MCF2L2: variants seen among roughly 807,000 people sequenced by gnomAD.
MCF2L2 encodes the protein MCF.2 cell line derived transforming sequence-like 2, also known as probable guanine nucleotide exchange factor MCF2L2.
A neutral mutation model predicts 150.2 loss-of-function variants in MCF2L2; 102 were observed. The ratio of observed to expected loss-of-function variants is 0.68; its 90% CI spans 0.58 to 0.80. The LOEUF is 0.80. Ranked by LOEUF, MCF2L2 falls within the 30% of genes least tolerant of loss-of-function variation. The probability of loss-of-function intolerance (pLI) is 0.00; values close to 1 mark genes in which losing one functional copy is unlikely to be tolerated. For missense variants in MCF2L2, 1,256 were observed against 1,372.8 expected (o/e 0.91, Z 1.34); for synonymous variants, 465 against 491.3 (o/e 0.95, Z 0.71).
chr3:183,329,903 A>G (rs9849683), intron 5 of MCF2L2, among the ~76,000 whole-genome samples: 5,895 of 152,222 alleles, frequency 0.039, 379 homozygotes, highest in African/African-American at 0.13. Context: ...AGGCAAGTAT[A>G]ACACAATGGA....
chr3:183,219,086 G>C (rs960870774), intron 21 of MCF2L2, among the ~76,000 whole-genome samples: 1 of 152,080 alleles, frequency 6.6e-6, no homozygotes. Flanking sequence ...TGTGGTCATG[G>C]TCACCATTTA....
chr3:183,207,778 T>C lies in MCF2L2; in HGVS notation c.2542A>G (p.Ser848Gly). ...CGATCCTTGTGAATTGTCCAGACGC[T>C]GAAAGGGCCGTGCAGCAACAGCTTG... Reference protein sequence around the residue: ...LGKLLLHGPFSVWTIHKDRYK... With the variant: ...LGKLLLHGPFGVWTIHKDRYK... The change falls in exon 23 of 30, where the codon AGC (serine) becomes GGC (glycine). Residue 848 changes from serine (S) to glycine (G), a missense_variant. Ser to Gly is a moderately conservative substitution (Grantham distance 56). Transcript: ENST00000328913. 1 of 1,614,218 alleles carries C rather than the reference T, an allele frequency of 6.2e-7. No individual in the cohort carries two copies. Among genetic ancestry groups the C allele is most frequent in the Non-Finnish European group, 8.5e-7 (1 of 1,180,026 alleles).
At chr3:183,269,472 T>G (rs1726529352) in intron 15 of MCF2L2, 1 of 246,746 alleles carries the variant, frequency 4.1e-6, no homozygotes, top group Non-Finnish European at 7.7e-6. Flanking sequence ...GCGATTGTGA[T>G]TCTTTTCTCT....
intron 3 of MCF2L2, among the ~76,000 whole-genome samples, chr3:183,358,015 C>T (rs931882599): frequency 6.6e-6 from 1 of 152,094 alleles, no homozygotes; most frequent in Non-Finnish European, 1.5e-5. Flanking sequence ...TGGCCGGGTG[C>T]CGTGGCTTAC....
chr3:183,418,698 G>T (rs1455312029), intron 1 of MCF2L2, among the ~76,000 whole-genome samples: 1 of 152,212 alleles, frequency 6.6e-6, no homozygotes, highest in Non-Finnish European at 1.5e-5. Context: ...GATCCAAAAT[G>T]ATCTCCTTTG....
chr3:183,274,978 T>A (rs76307509), intron 15 of MCF2L2, among the ~76,000 whole-genome samples: 3 of 151,634 alleles, frequency 2.0e-5, no homozygotes, highest in East Asian at 3.9e-4. Context: ...TTTTTTTTTT[T>A]ATCACTGCCA....
intron 14 of MCF2L2, among the ~76,000 whole-genome samples, chr3:183,288,540 G>A (rs1727927146): frequency 6.7e-6 from 1 of 149,250 alleles, no homozygotes; most frequent in Non-Finnish European, 1.5e-5. Context: ...GGAGTACAGT[G>A]GCACAGTCTC....
At position 183,309,794 on chromosome 3, in the gene MCF2L2, C is replaced by T; in HGVS notation, c.1035G>A (p.Glu345=). The part of the protein sequence containing the change: ...ALDNLLEEQA[E]FTGIGDSVMH... ...TCACGCTGTCTCCAATGCCTGTAAA[C>T]TCTGCTTGCTCTTCCAGCAAATTAT... Residue 345 remains glutamate (E), a synonymous_variant, in exon 10 of 30, where the codon GAG becomes GAA. Coordinates refer to ENST00000328913, the MANE Select transcript of MCF2L2 (RefSeq NM_015078.4). The T allele has an allele frequency of 6.2e-7, 1 of 1,613,986 alleles. No individual in the cohort carries two copies. The highest frequency in any genetic ancestry group is 8.5e-7 in the Non-Finnish European group (1 of 1,180,008).
chr3:183,363,743 CT>C (rs1712353158), intron 3 of MCF2L2, among the ~76,000 whole-genome samples: 2 of 152,046 alleles, frequency 1.3e-5, no homozygotes, highest in African/African-American at 4.8e-5. Context: ...AAGAAATACA[CT>C]TTAAACAGGA....
At chr3:183,343,810 T>C (rs1227834696) in intron 3 of MCF2L2, among the ~76,000 whole-genome samples, 1 of 152,188 alleles carries the variant, frequency 6.6e-6, no homozygotes, top group Non-Finnish European at 1.5e-5. Flanking sequence ...AATAACACAG[T>C]ATTATTATAA....
intron 14 of MCF2L2, among the ~76,000 whole-genome samples, chr3:183,279,463 T>C (rs6762176): frequency 0.02 from 3,019 of 152,310 alleles, 115 homozygotes; most frequent in African/African-American, 0.069. Context: ...CATTGAATGA[T>C]AAAAGGATAC....
chr3:183,295,157 C>G, intron 13 of MCF2L2, 143 bp downstream of exon 13: 1 of 771,100 alleles, frequency 1.3e-6, no homozygotes, highest in Non-Finnish European at 2.0e-6. Flanking sequence ...TCTTCCATGT[C>G]TGCACTATGC....
In MCF2L2 at chr3:183,363,285, T is replaced by G. The variant is rs572706205; in HGVS notation, c.275+16012A>C. On this transcript the variant is annotated intron_variant, in intron 3 of 29. Transcript: ENST00000328913. ...TACCATAACAAAACTACACATACTC[T>G]TACCATAAGATCCATTAATTTTGCT... Among the ~76,000 whole-genome samples the G allele has an allele frequency of 3.3e-5, 5 of 152,180 alleles. 1 individual carries two copies. Among genetic ancestry groups the G allele is most frequent in the Admixed American group, 3.3e-4 (5 of 15,278 alleles).
intron 3 of MCF2L2, among the ~76,000 whole-genome samples, chr3:183,363,686 A>G (rs1470297099): frequency 6.6e-6 from 1 of 152,142 alleles, no homozygotes; most frequent in Non-Finnish European, 1.5e-5. Context: ...GGCTGTAGTG[A>G]GCCATGATTG....
At chr3:183,241,632 T>C (rs562425977) in intron 15 of MCF2L2, among the ~76,000 whole-genome samples, 1 of 152,354 alleles carries the variant, frequency 6.6e-6, no homozygotes, top group Non-Finnish European at 1.5e-5. Flanking sequence ...TGTGAGTCCA[T>C]TAAACCTCTT....
chr3:183,389,066 A>G (rs1211203745), intron 2 of MCF2L2, among the ~76,000 whole-genome samples: 1 of 152,194 alleles, frequency 6.6e-6, no homozygotes, highest in Admixed American at 6.5e-5. Flanking sequence ...GTCTAACCAT[A>G]ATTTGGGGTT....
intron 5 of MCF2L2, among the ~76,000 whole-genome samples, chr3:183,328,514 T>G (rs1730141849): frequency 6.6e-6 from 1 of 150,520 alleles, no homozygotes. Context: ...GAGAACTGCT[T>G]GGTGTGAAAA....
intron 4 of MCF2L2, 88 bp downstream of exon 4, chr3:183,341,452 T>C: frequency 1.9e-6 from 2 of 1,054,770 alleles, no homozygotes; most frequent in Non-Finnish European, 2.9e-6. Context: ...CATAAAATAA[T>C]TGCCTTTTCC....
chr3:183,338,308 A>G (rs1472898041), intron 5 of MCF2L2, among the ~76,000 whole-genome samples: 1 of 151,974 alleles, frequency 6.6e-6, no homozygotes, highest in Non-Finnish European at 1.5e-5. Flanking sequence ...TTAGCCAAGC[A>G]TGGTGGCGCA....
Sources: allele counts gnomAD v4.1 joint callset (sites outside exome capture counted in the v4.1 genomes callset), GRCh38; gene constraint gnomAD v4.1.1; transcripts MANE v1.5; gene names NCBI Gene and HGNC (gene_info 2026-07-23, HGNC 2026-07-21).